Variants in ATP6V0A1 observed in about 807,000 individuals in gnomAD.
ATP6V0A1 encodes V-type proton ATPase 116 kDa subunit a 1.
ATP6V0A1 carries 43 observed loss-of-function variants against 105.4 expected under a neutral mutation model. That is an observed-to-expected ratio of 0.41 (90% CI 0.32 to 0.53). The LOEUF (loss-of-function observed/expected upper bound fraction) is 0.53. Among genes scored for constraint, ATP6V0A1 ranks in the 20% least tolerant of loss-of-function variants. The pLI is 0.30. For synonymous variants in ATP6V0A1, 362 were observed against 372.8 expected, an observed-to-expected ratio of 0.97 and a Z score of 0.33; for missense variants, 676 against 1,051.1, an observed-to-expected ratio of 0.64 and a Z score of 4.93.
chr17:42,488,398 G>C (rs2090313664), intron 10 of ATP6V0A1, among the ~76,000 whole-genome samples: 1 of 152,198 alleles, frequency 6.6e-6, no homozygotes, highest in Non-Finnish European at 1.5e-5. Context: ...TTTTATTCCA[G>C]AGGAAGTTGA....
chr17:42,495,003 A>G (rs751551831), intron 12 of ATP6V0A1, 31 bp from the exon 13 acceptor site: 1 of 1,605,722 alleles, frequency 6.2e-7, no homozygotes, highest in Non-Finnish European at 8.5e-7. Flanking sequence ...CAGTGAGTAC[A>G]TTCTCATTAC....
intron 10 of ATP6V0A1, among the ~76,000 whole-genome samples, chr17:42,488,338 T>A (rs1470565722): frequency 6.6e-6 from 1 of 152,206 alleles, no homozygotes; most frequent in Non-Finnish European, 1.5e-5. Context: ...ATCAGGTAGT[T>A]TGGAACTTAA....
intron 5 of ATP6V0A1, among the ~76,000 whole-genome samples, chr17:42,477,427 A>C (rs2088897844): frequency 6.6e-6 from 1 of 152,168 alleles, no homozygotes; most frequent in Non-Finnish European, 1.5e-5. Flanking sequence ...CCATTTCCCC[A>C]GATGCTTTAC....
intron 5 of ATP6V0A1, among the ~76,000 whole-genome samples, chr17:42,471,681 C>T (rs1453177938): frequency 2.6e-5 from 4 of 151,834 alleles, no homozygotes; most frequent in South Asian, 2.1e-4. Flanking sequence ...TTGCAGTGAG[C>T]GGAGATTAAG....
chr17:42,522,204 T>C lies in ATP6V0A1; in HGVS notation c.*1084T>C. 1 of 152,432 alleles carries C rather than the reference T, an allele frequency of 6.6e-6. No homozygotes were observed. The highest frequency in any genetic ancestry group is 1.9e-4 in the East Asian group (1 of 5,306). The allele number at this position is 152,432 out of a possible 1,614,324, so 9.4% of individuals were successfully genotyped here. On this transcript the variant is annotated 3_prime_UTR_variant, in exon 22 of 22. Transcript: ENST00000343619. Reference sequence around the variant, plus strand: ...CAGTCCTGCCAAGGGGCTTCCTCCTTGTCACCCCGAACCTTGTAATCGTGT... The same window carrying C: ...CAGTCCTGCCAAGGGGCTTCCTCCTCGTCACCCCGAACCTTGTAATCGTGT...
intron 9 of ATP6V0A1, among the ~76,000 whole-genome samples, chr17:42,484,347 G>A (rs529350093): frequency 6.6e-6 from 1 of 152,096 alleles, no homozygotes; most frequent in Non-Finnish European, 1.5e-5. Flanking sequence ...GTGAGCCACC[G>A]CGCCCGGCTG....
chr17:42,515,132 C>T (rs1314489616), intron 21 of ATP6V0A1, among the ~76,000 whole-genome samples: 1 of 152,074 alleles, frequency 6.6e-6, no homozygotes, highest in Non-Finnish European at 1.5e-5. Context: ...GTGGTCTGGG[C>T]TGTGACCACC....
chr17:42,504,828 CCT>C (rs1208177150), intron 17 of ATP6V0A1, among the ~76,000 whole-genome samples: 2 of 152,152 alleles, frequency 1.3e-5, no homozygotes, highest in African/African-American at 4.8e-5. Flanking sequence ...CTACAGTCCT[CCT>C]CTTCAGGGGG....
At chr17:42,469,458 G>A (rs567276438) in intron 4 of ATP6V0A1, among the ~76,000 whole-genome samples, 1 of 151,106 alleles carries the variant, frequency 6.6e-6, no homozygotes, top group African/African-American at 2.4e-5. Context: ...AGCCTCCCAG[G>A]TAGCTGGGAT....
At chr17:42,496,061 C>CAAAAAAAAAAA (rs11352520) in intron 14 of ATP6V0A1, 1 of 97,188 alleles carries the variant, frequency 1.0e-5, no homozygotes, top group Non-Finnish European at 2.0e-5. Context: ...GACTCCGTCT[C>CAAAAAAAAAAA]AAAAAAAAAA....
chr17:42,461,265 G>A (rs1361507631), intron 2 of ATP6V0A1, among the ~76,000 whole-genome samples: 1 of 152,094 alleles, frequency 6.6e-6, no homozygotes, highest in Non-Finnish European at 1.5e-5. Flanking sequence ...GGGATGCAGG[G>A]AGAGGTTACC....
chr17:42,463,984 T>C (rs1484775726), intron 2 of ATP6V0A1, among the ~76,000 whole-genome samples: 1 of 152,114 alleles, frequency 6.6e-6, no homozygotes, highest in Non-Finnish European at 1.5e-5. Context: ...GTCTTTATGT[T>C]GAGGAGGCTG....
intron 21 of ATP6V0A1, among the ~76,000 whole-genome samples, chr17:42,514,859 A>G (rs2092537745): frequency 6.6e-6 from 1 of 152,232 alleles, no homozygotes; most frequent in East Asian, 1.9e-4. Flanking sequence ...AGTGCAGGAA[A>G]GGCTAGAACA....
At chr17:42,502,131 T>C (rs908374904) in intron 17 of ATP6V0A1, among the ~76,000 whole-genome samples, 6 of 152,200 alleles carry the variant, frequency 3.9e-5, no homozygotes, top group African/African-American at 1.2e-4. Flanking sequence ...GCTCAAGATA[T>C]CTGGATTCAG....
chr17:42,510,857 G>A (rs2092314173), intron 19 of ATP6V0A1: 1 of 152,256 alleles, frequency 6.6e-6, no homozygotes, highest in Admixed American at 6.5e-5. Flanking sequence ...CGAGCCTGAA[G>A]TGAAGTGTCT....
At chr17:42,484,466 T>G (rs1472517862) in intron 9 of ATP6V0A1, among the ~76,000 whole-genome samples, 1 of 152,146 alleles carries the variant, frequency 6.6e-6, no homozygotes, top group African/African-American at 2.4e-5. Flanking sequence ...CCACACACCC[T>G]CCTGAGGCAG....
intron 17 of ATP6V0A1, among the ~76,000 whole-genome samples, 159 bp downstream of exon 17, chr17:42,501,463 G>A (rs1032838018): frequency 6.6e-6 from 1 of 151,972 alleles, no homozygotes; most frequent in African/African-American, 2.4e-5. Context: ...CCCCCAGGCT[G>A]GGGTGCAGTG....
chr17:42,476,951 T>C (rs1317832882), intron 5 of ATP6V0A1, among the ~76,000 whole-genome samples: 2 of 152,228 alleles, frequency 1.3e-5, no homozygotes, highest in African/African-American at 2.4e-5. Flanking sequence ...GCTATTGTGC[T>C]TCTTATCCTT....
intron 9 of ATP6V0A1, among the ~76,000 whole-genome samples, chr17:42,486,397 C>T (rs976426175): frequency 1.3e-5 from 2 of 151,224 alleles, no homozygotes; most frequent in Non-Finnish European, 2.9e-5. Flanking sequence ...GGCCACAGAG[C>T]GAGACTCCAT....
Sources: gnomAD v4.1 joint callset for allele counts (sites outside exome capture counted in the v4.1 genomes callset) on GRCh38, gnomAD v4.1.1 for gene constraint, MANE v1.5 for transcripts, NCBI Gene and HGNC (gene_info 2026-07-23, HGNC 2026-07-21) for gene names.